The following WDR19 variants were observed in gnomAD, a reference collection of about 807,000 sequenced individuals.
WDR19 encodes the protein WD repeat domain 19.
WDR19 carries 121 observed loss-of-function variants against 180.0 expected under a neutral mutation model. The ratio of observed to expected loss-of-function variants is 0.67; its 90% CI spans 0.58 to 0.78. The LOEUF (loss-of-function observed/expected upper bound fraction) is 0.78. Among genes scored for constraint, WDR19 ranks in the 30% least tolerant of loss-of-function variants. The pLI, the probability that WDR19 is intolerant of heterozygous loss-of-function variation, is 0.00. For missense variants in WDR19, 1,450 were observed against 1,640.7 expected (o/e 0.88, Z 2.01); for synonymous variants, 497 against 540.7 (o/e 0.92, Z 1.12).
intron 36 of WDR19, among the ~76,000 whole-genome samples, chr4:39,279,591 A>T (rs1289268574): frequency 1.3e-5 from 2 of 150,498 alleles, no homozygotes; most frequent in Non-Finnish European, 3.0e-5. Context: ...TTCCCTGGCC[A>T]CTCCAAAATG....
intron 4 of WDR19, among the ~76,000 whole-genome samples, chr4:39,190,690 A>C (rs761190051): frequency 6.6e-6 from 1 of 152,200 alleles, no homozygotes; most frequent in Non-Finnish European, 1.5e-5. Context: ...GATACAACCT[A>C]GTGAGTGTAG....
At chr4:39,281,263 A>AGAGAGAGAGAGAGAGAG (rs57108177) in intron 36 of WDR19, among the ~76,000 whole-genome samples, 31 of 147,170 alleles carry the variant, frequency 2.1e-4, no homozygotes, top group Non-Finnish European at 2.8e-4. Flanking sequence ...AGAGAGAGAG[A>AGAGAGAGAGAGAGAGAG]AAGCCTACTA....
intron 29 of WDR19, among the ~76,000 whole-genome samples, chr4:39,266,628 A>G (rs1734824402): frequency 6.6e-6 from 1 of 152,264 alleles, no homozygotes; most frequent in South Asian, 2.1e-4. Context: ...CAAATGTTAT[A>G]ATTTTGTTTA....
At chr4:39,257,695 A>T (rs1047110770) in intron 28 of WDR19, 141 bp downstream of exon 28, 1 of 709,534 alleles carries the variant, frequency 1.4e-6, no homozygotes. Context: ...ACAGCTGTCA[A>T]TACATAGACA....
rs1730105370 is a variant in WDR19, at chr4:39,225,042, G to A, written c.1629+9G>A. The A allele has an allele frequency of 3.3e-6, 5 of 1,514,038 alleles. No homozygotes were observed. Among genetic ancestry groups the A allele is most frequent in the Non-Finnish European group, 4.4e-6 (5 of 1,133,028 alleles). The allele number at this position is 1,514,038 out of a possible 1,614,324, so 93.8% of individuals were successfully genotyped here. On this transcript the variant is annotated intron_variant, in intron 15 of 36. Coordinates refer to ENST00000399820, the MANE Select transcript of WDR19 (RefSeq NM_025132.4). Reference sequence around the variant, plus strand: ...GATTTGTTTACTGTCCAGTAAGTCTGGAACATTTTTAAATGTTTATTTTTT... The same window carrying A: ...GATTTGTTTACTGTCCAGTAAGTCTAGAACATTTTTAAATGTTTATTTTTT...
intron 24 of WDR19, among the ~76,000 whole-genome samples, chr4:39,246,673 A>G (rs550468598): frequency 2.6e-5 from 4 of 152,286 alleles, no homozygotes; most frequent in Admixed American, 2.0e-4. Flanking sequence ...TGCTTTTCCA[A>G]TGGGCTTATC....
chr4:39,189,520 T>G, intron 3 of WDR19, 136 bp from the exon 4 acceptor site: 2 of 826,762 alleles, frequency 2.4e-6, no homozygotes, highest in African/African-American at 1.8e-5. Context: ...CAGTGAATAA[T>G]GAGTTGTATT....
Position 39,234,891 on chromosome 4 carries a change from T to C in WDR19, c.2363+16T>C. 1 of 1,514,222 alleles carries C rather than the reference T, an allele frequency of 6.6e-7. No homozygotes were observed. The highest frequency in any genetic ancestry group is 9.0e-7 in the Non-Finnish European group (1 of 1,112,594). The allele number at this position is 1,514,222 out of a possible 1,614,324, so 93.8% of individuals were successfully genotyped here. On this transcript the variant is annotated intron_variant, in intron 20 of 36. Coordinates refer to ENST00000399820, the MANE Select transcript of WDR19 (RefSeq NM_025132.4). ...TTGAATTCGCGTAAGTCTTTGTTTT[T>C]ATACATTTCAGTCAGTAGCTAATGA...
intron 19 of WDR19, among the ~76,000 whole-genome samples, chr4:39,232,720 AG>A (rs1731005764): frequency 6.6e-6 from 1 of 152,030 alleles, no homozygotes; most frequent in Non-Finnish European, 1.5e-5. Context: ...AAAAAAGGAA[AG>A]AACATAAGAA....
chr4:39,228,648 A>G lies in WDR19; in HGVS notation c.1940A>G (p.Asp647Gly). ...FLSNLKDTGP[D>G]ELRPMLAQNL... ...AGCAACTTAAAAGATACGGGGCCTG[A>G]CGAACTGAGACCAATGCTGGCACAG... Residue 647 changes from aspartate to glycine, a missense_variant, in exon 17 of 37, where the codon GAC becomes GGC. Coordinates refer to ENST00000399820, the MANE Select transcript of WDR19 (RefSeq NM_025132.4). 1 of 1,609,848 alleles carries G rather than the reference A, an allele frequency of 6.2e-7. No individual in the cohort carries two copies. Among genetic ancestry groups the G allele is most frequent in the South Asian group, 1.1e-5 (1 of 89,912 alleles).
chr4:39,186,146 A>C (rs955546341), intron 2 of WDR19, among the ~76,000 whole-genome samples: 3 of 152,178 alleles, frequency 2.0e-5, no homozygotes, highest in African/African-American at 7.2e-5. Flanking sequence ...GAAAACACTG[A>C]AATCATTTGG....
intron 36 of WDR19, among the ~76,000 whole-genome samples, chr4:39,281,490 GAC>G (rs1178037517): frequency 6.6e-6 from 1 of 151,840 alleles, no homozygotes; most frequent in Non-Finnish European, 1.5e-5. Flanking sequence ...TGGCTTTATA[GAC>G]TCTCTTAAAG....
rs537878568 is a variant in WDR19, at chr4:39,238,809, T to C, written c.2364-1468T>C. ...TCAAATCATGCCATTTCAGAGCTGA[T>C]TAATTTATCCTGGAGAAGATGGTTT... On this transcript the variant is annotated intron_variant, in intron 20 of 36. Coordinates refer to ENST00000399820, the MANE Select transcript of WDR19 (RefSeq NM_025132.4). Among the ~76,000 whole-genome samples, 63 of 152,252 alleles carry C rather than the reference T, an allele frequency of 4.1e-4. No individual in the cohort carries two copies. In the South Asian group the frequency reaches 8.5e-3, roughly 21 times the overall value.
At chr4:39,232,346 C>A (rs188710460) in intron 19 of WDR19, 74 bp downstream of exon 19, 1 of 1,254,206 alleles carries the variant, frequency 8.0e-7, no homozygotes, top group Non-Finnish European at 1.1e-6. Flanking sequence ...AAAATGGGGC[C>A]GGGTGCAGCC....
At chr4:39,267,932 A>C (rs1169586231) in intron 29 of WDR19, 63 bp from the exon 30 acceptor site, 2 of 1,469,674 alleles carry the variant, frequency 1.4e-6, no homozygotes, top group Non-Finnish European at 1.9e-6. Flanking sequence ...ACTGCAATAC[A>C]AAAATGTAAT....
intron 28 of WDR19, among the ~76,000 whole-genome samples, chr4:39,259,403 C>T (rs543893888): frequency 5.3e-5 from 8 of 152,314 alleles, no homozygotes; most frequent in African/African-American, 1.9e-4. Flanking sequence ...TGTACCAATA[C>T]GCCATTGTCT....
chr4:39,266,232 C>T, intron 29 of WDR19, 92 bp downstream of exon 29: 1 of 1,221,976 alleles, frequency 8.2e-7, no homozygotes. Flanking sequence ...ACAACATAGA[C>T]ATGAAAAATT....
intron 36 of WDR19, among the ~76,000 whole-genome samples, chr4:39,284,598 C>CAA (rs1736966447): frequency 6.9e-6 from 1 of 144,356 alleles, no homozygotes; most frequent in African/African-American, 2.5e-5. Context: ...CTCAGCCTCC[C>CAA]AAAGAAGTGT....
intron 14 of WDR19, chr4:39,218,932 G>A (rs887906858): frequency 2.0e-5 from 3 of 151,852 alleles, no homozygotes; most frequent in African/African-American, 7.3e-5. Context: ...ATTAGTGCAG[G>A]CCTGCATAGC....
Sources: allele counts gnomAD v4.1 joint callset (sites outside exome capture counted in the v4.1 genomes callset), GRCh38; gene constraint gnomAD v4.1.1; transcripts MANE v1.5; gene names NCBI Gene and HGNC (gene_info 2026-07-23, HGNC 2026-07-21).